PPP1R37: variants seen among roughly 807,000 people sequenced by gnomAD.
The protein encoded by PPP1R37 is protein phosphatase 1 regulatory subunit 37.
Under a neutral mutation model 61.0 loss-of-function variants are expected in PPP1R37, and 21 were observed. The observed-to-expected ratio is 0.34, with a 90% CI of 0.24 to 0.50. The LOEUF is 0.50. Among genes scored for constraint, PPP1R37 ranks in the 20% least tolerant of loss-of-function variants. PPP1R37 has a pLI of 0.98. For synonymous variants in PPP1R37, 443 were observed against 433.5 expected (o/e 1.02, Z -0.27); for missense variants, 910 against 952.7 (o/e 0.96, Z 0.59).
chr19:45,137,781 C>T (rs191241880), intron 1 of PPP1R37, among the ~76,000 whole-genome samples: 1 of 151,726 alleles, frequency 6.6e-6, no homozygotes, highest in Admixed American at 6.6e-5. Flanking sequence ...AGCTTGGTTT[C>T]CTCATAGGGT....
chr19:45,144,876 C>G lies in PPP1R37; in HGVS notation c.1010C>G (p.Thr337Arg). ...MTLPHTQSLE[T>R]LNLGHNPIGN... ...CAGCCGCACACTCAGAGCCTGGAGACGCTGAACCTGGGCCACAACCCCATC... is the reference window on the plus strand; with the variant it reads ...CAGCCGCACACTCAGAGCCTGGAGAGGCTGAACCTGGGCCACAACCCCATC... The change falls in exon 9 of 13, where the codon ACG becomes AGG. Residue 337 changes from threonine (T) to arginine (R), a missense_variant. Thr to Arg is a moderately conservative substitution (Grantham distance 71). Coordinates refer to ENST00000221462, the MANE Select transcript of PPP1R37 (RefSeq NM_019121.2). 2 of 1,534,810 alleles carry G rather than the reference C, an allele frequency of 1.3e-6. No individual in the cohort carries two copies. Among genetic ancestry groups the G allele is most frequent in the Non-Finnish European group, 1.7e-6 (2 of 1,146,274 alleles).
Position 45,128,547 on chromosome 19 carries a change from C to T in PPP1R37, c.203-9967C>T, listed in dbSNP as rs28657408. 9,949 of 1,212,578 alleles carry T rather than the reference C, an allele frequency of 8.2e-3. 522 individuals are homozygous for T. In the African/African-American group the frequency reaches 0.12, roughly 15 times the overall value. 75.1% of individuals were successfully genotyped at this position (1,212,578 alleles called of 1,614,324 possible). On this transcript the variant is annotated intron_variant, in intron 1 of 12. Transcript: ENST00000221462. Reference sequence around the variant, plus strand: ...GGTTGAGTCAGTGTGTTTGCGAGAGCTGGAATCGAAGCCTCTTAAAATGGC... The same window carrying T: ...GGTTGAGTCAGTGTGTTTGCGAGAGTTGGAATCGAAGCCTCTTAAAATGGC...
intron 1 of PPP1R37, among the ~76,000 whole-genome samples, chr19:45,097,131 G>C (rs746371817): frequency 2.0e-5 from 3 of 152,020 alleles, no homozygotes; most frequent in Non-Finnish European, 2.9e-5. Flanking sequence ...GGAGGCCCAA[G>C]TGAGAGGCCC....
At chr19:45,098,213 G>A (rs1045118936) in intron 1 of PPP1R37, among the ~76,000 whole-genome samples, 2 of 148,438 alleles carry the variant, frequency 1.3e-5, no homozygotes, top group African/African-American at 2.6e-5. Context: ...GTGGGTGCCC[G>A]TGGGGAGCGA....
intron 2 of PPP1R37, among the ~76,000 whole-genome samples, chr19:45,139,962 C>G (rs1968588364): frequency 6.6e-6 from 1 of 152,270 alleles, no homozygotes; most frequent in Non-Finnish European, 1.5e-5. Flanking sequence ...GGCCCACTCC[C>G]TCACTCGGTC....
rs537008772 is a variant in PPP1R37, at chr19:45,144,738, C to A, written c.988-116C>A. On this transcript the variant is annotated intron_variant, in intron 8 of 12. Transcript: ENST00000221462. ...CGGCGCCGGTGTTCACGCAGGCGCGCGAAAGAAAAGGAGCGCCCGGGCCTG... is the reference window on the plus strand; with the variant it reads ...CGGCGCCGGTGTTCACGCAGGCGCGAGAAAGAAAAGGAGCGCCCGGGCCTG... 1,068 of 898,836 alleles carry A rather than the reference C, an allele frequency of 1.2e-3. 1 individual carries two copies. Among genetic ancestry groups the A allele is most frequent in the Middle Eastern group, 1.6e-3 (5 of 3,064 alleles). 55.7% of individuals were successfully genotyped at this position (898,836 alleles called of 1,614,324 possible).
intron 1 of PPP1R37, among the ~76,000 whole-genome samples, chr19:45,098,915 T>A (rs1292874137): frequency 6.6e-6 from 1 of 151,986 alleles, no homozygotes; most frequent in African/African-American, 2.4e-5. Context: ...GCTGCTGGAG[T>A]TGGCAAGTAG....
chr19:45,113,990 G>T (rs772588029), intron 1 of PPP1R37, among the ~76,000 whole-genome samples: 1 of 152,198 alleles, frequency 6.6e-6, no homozygotes, highest in Non-Finnish European at 1.5e-5. Context: ...CCACTCTCCC[G>T]GGGGCTGCTG....
At chr19:45,100,879 G>A (rs1032082891) in intron 1 of PPP1R37, among the ~76,000 whole-genome samples, 1 of 152,210 alleles carries the variant, frequency 6.6e-6, no homozygotes, top group Non-Finnish European at 1.5e-5. Flanking sequence ...AGCATTGCCT[G>A]CTGTTCTGAC....
At chr19:45,144,539 G>A in intron 8 of PPP1R37, 1 of 379,966 alleles carries the variant, frequency 2.6e-6, no homozygotes, top group Non-Finnish European at 4.7e-6. Context: ...GATAAGAGTT[G>A]CCCTCCTTGG....
chr19:45,133,811 T>C (rs1968506601), intron 1 of PPP1R37, among the ~76,000 whole-genome samples: 1 of 152,370 alleles, frequency 6.6e-6, no homozygotes, highest in African/African-American at 2.4e-5. Context: ...CATGGGGTCA[T>C]GTGGGCTGTG....
intron 1 of PPP1R37, among the ~76,000 whole-genome samples, chr19:45,137,368 A>G (rs959995899): frequency 6.6e-6 from 1 of 152,264 alleles, no homozygotes; most frequent in Non-Finnish European, 1.5e-5. Flanking sequence ...AGAGAAGCCA[A>G]CCGCAGAAGG....
At chr19:45,134,561 CTTTT>C (rs762221707) in intron 1 of PPP1R37, among the ~76,000 whole-genome samples, 12 of 142,498 alleles carry the variant, frequency 8.4e-5, no homozygotes, top group Non-Finnish European at 1.7e-4. Flanking sequence ...GTGCTCATTC[CTTTT>C]TTTTTTTTTT....
chr19:45,129,287 C>T (rs184035872), intron 1 of PPP1R37, among the ~76,000 whole-genome samples: 6 of 152,166 alleles, frequency 3.9e-5, no homozygotes, highest in Admixed American at 1.3e-4. Flanking sequence ...TGGGGGGAGA[C>T]GGTGGGCGAT....
chr19:45,101,977 G>A (rs531948169), intron 1 of PPP1R37, among the ~76,000 whole-genome samples: 88 of 152,338 alleles, frequency 5.8e-4, no homozygotes, highest in Non-Finnish European at 5.9e-4. Context: ...TGAGGTGACT[G>A]TTATTCCCCT....
At chr19:45,140,423 TGGGA>T in intron 3 of PPP1R37, 79 bp from the exon 4 acceptor site, 11 of 330,646 alleles carry the variant, frequency 3.3e-5, no homozygotes, top group East Asian at 2.4e-4. Context: ...TGGTGGGGGG[TGGGA>T]GGTTGGGGGC....
chr19:45,141,455 G>C lies in PPP1R37; in HGVS notation c.567+14G>C. 1 of 1,530,020 alleles carries C rather than the reference G, an allele frequency of 6.5e-7. No individual in the cohort carries two copies. 94.8% of individuals were successfully genotyped at this position (1,530,020 alleles called of 1,614,324 possible). A position where few individuals can be genotyped will look rare whatever the true frequency, so the allele number is the denominator to read the frequency against. ...ATGATGCGCAAGGTGGGCGCCTCTCGGCTTCCAGGAAGAGGCAGCTCAGGC... is the reference window on the plus strand; with the variant it reads ...ATGATGCGCAAGGTGGGCGCCTCTCCGCTTCCAGGAAGAGGCAGCTCAGGC... On this transcript the variant is annotated intron_variant, in intron 5 of 12. Coordinates refer to ENST00000221462, the MANE Select transcript of PPP1R37 (RefSeq NM_019121.2).
chr19:45,142,702 G>T (rs1390055533), intron 7 of PPP1R37: 3 of 542,832 alleles, frequency 5.5e-6, no homozygotes, highest in South Asian at 2.6e-5. Context: ...TCCAGGAGGA[G>T]GAGACAGCTC....
At chr19:45,095,696 G>A (rs1313706891) in intron 1 of PPP1R37, among the ~76,000 whole-genome samples, 1 of 150,472 alleles carries the variant, frequency 6.6e-6, no homozygotes, top group Non-Finnish European at 1.5e-5. Flanking sequence ...CCAGGAGGTC[G>A]ATAGTGCAGT....
Sources: gnomAD v4.1 joint callset for allele counts (sites outside exome capture counted in the v4.1 genomes callset) on GRCh38, gnomAD v4.1.1 for gene constraint, MANE v1.5 for transcripts, NCBI Gene and HGNC (gene_info 2026-07-23, HGNC 2026-07-21) for gene names.